The following SCFD2 variants were observed in gnomAD, a reference collection of about 807,000 sequenced individuals.
SCFD2 encodes sec1 family domain containing 2.
SCFD2 carries 54 observed loss-of-function variants against 58.9 expected under a neutral mutation model. The ratio of observed to expected loss-of-function variants is 0.92; its 90% CI spans 0.74 to 1.15. The LOEUF (loss-of-function observed/expected upper bound fraction) is 1.15, where lower values mean the gene tolerates loss of function less well. Among genes scored for constraint, SCFD2 ranks in the 50% most tolerant of loss-of-function variants. The pLI is 0.00. For synonymous variants in SCFD2, 321 were observed against 335.9 expected, an observed-to-expected ratio of 0.96 and a Z score of 0.49; for missense variants, 805 against 836.6, an observed-to-expected ratio of 0.96 and a Z score of 0.47.
chr4:53,254,946 C>T (rs1207771981), intron 4 of SCFD2, among the ~76,000 whole-genome samples: 3 of 150,160 alleles, frequency 2.0e-5, no homozygotes, highest in Non-Finnish European at 4.4e-5. Flanking sequence ...AATCTTGGCT[C>T]ACTGCAAGCT....
chr4:53,021,323 T>C (rs1270427629), intron 5 of SCFD2, among the ~76,000 whole-genome samples: 1 of 152,182 alleles, frequency 6.6e-6, no homozygotes, highest in African/African-American at 2.4e-5. Context: ...AACAATAAAC[T>C]TCCTATTTCT....
intron 5 of SCFD2, among the ~76,000 whole-genome samples, chr4:53,018,260 A>G (rs1426691458): frequency 2.0e-5 from 3 of 152,202 alleles, no homozygotes; most frequent in Admixed American, 2.0e-4. Context: ...TGATATTGTT[A>G]CAGAATAAAC....
intron 4 of SCFD2, among the ~76,000 whole-genome samples, chr4:53,181,964 T>G (rs369582032): frequency 6.6e-6 from 1 of 152,166 alleles, no homozygotes; most frequent in East Asian, 1.9e-4. Context: ...AGGACCTCTT[T>G]AAGGAGAACT....
intron 7 of SCFD2, among the ~76,000 whole-genome samples, chr4:52,896,678 T>A (rs1719023751): frequency 6.6e-6 from 1 of 152,176 alleles, no homozygotes; most frequent in South Asian, 2.1e-4. Flanking sequence ...TTTAAAGTAG[T>A]TTTTTCCAAT....
intron 5 of SCFD2, among the ~76,000 whole-genome samples, chr4:53,132,165 T>C (rs57632491): frequency 0.012 from 1,759 of 152,372 alleles, 44 homozygotes; most frequent in African/African-American, 0.04. Flanking sequence ...TAGGAAGCTC[T>C]AAGTATCTTT....
At chr4:53,277,723 G>T (rs1433640742) in intron 3 of SCFD2, among the ~76,000 whole-genome samples, 4 of 152,160 alleles carry the variant, frequency 2.6e-5, no homozygotes, top group African/African-American at 9.7e-5. Context: ...TGTAATAACC[G>T]TATGTTCATT....
intron 5 of SCFD2, among the ~76,000 whole-genome samples, chr4:53,116,880 C>T (rs1725339371): frequency 6.6e-6 from 1 of 152,156 alleles, no homozygotes; most frequent in Non-Finnish European, 1.5e-5. Flanking sequence ...GCCAACAGGT[C>T]TTAAAGCAAC....
intron 2 of SCFD2, among the ~76,000 whole-genome samples, chr4:53,324,463 G>A (rs1376349058): frequency 6.9e-6 from 1 of 145,378 alleles, no homozygotes; most frequent in Non-Finnish European, 1.5e-5. Flanking sequence ...CATAGGGACA[G>A]AAATGACTGT....
At chr4:53,348,005 A>G in intron 2 of SCFD2, among the ~76,000 whole-genome samples, 1 of 152,244 alleles carries the variant, frequency 6.6e-6, no homozygotes, top group Non-Finnish European at 1.5e-5. Flanking sequence ...GGGGCACAGA[A>G]TAAAAACCCA....
intron 2 of SCFD2, among the ~76,000 whole-genome samples, chr4:53,337,806 G>T (rs1263896863): frequency 1.3e-5 from 2 of 152,068 alleles, no homozygotes; most frequent in South Asian, 4.2e-4. Context: ...TGACACAAGA[G>T]TATACACTAT....
chr4:52,952,315 C>G (rs966572807), intron 5 of SCFD2, among the ~76,000 whole-genome samples: 1 of 149,000 alleles, frequency 6.7e-6, no homozygotes, highest in Non-Finnish European at 1.5e-5. Context: ...CAAATGGTCC[C>G]ACGTGAGGCC....
chr4:53,203,907 G>A (rs757351398), intron 4 of SCFD2, among the ~76,000 whole-genome samples: 4 of 152,052 alleles, frequency 2.6e-5, no homozygotes, highest in Admixed American at 2.0e-4. Context: ...ATCACATTTT[G>A]GTCTAGGAAT....
intron 8 of SCFD2, among the ~76,000 whole-genome samples, chr4:52,878,591 A>C (rs1303818662): frequency 6.6e-6 from 1 of 152,232 alleles, no homozygotes; most frequent in Non-Finnish European, 1.5e-5. Flanking sequence ...ATCACCCTAA[A>C]ATTCTAAAAA....
intron 4 of SCFD2, among the ~76,000 whole-genome samples, chr4:53,250,082 C>A (rs1730299004): frequency 6.6e-6 from 1 of 151,950 alleles, no homozygotes; most frequent in Admixed American, 6.6e-5. Context: ...CACACATAGG[C>A]TCAAAATAAA....
chr4:53,213,798 C>T (rs1443677980), intron 4 of SCFD2, among the ~76,000 whole-genome samples: 4 of 152,072 alleles, frequency 2.6e-5, no homozygotes, highest in Non-Finnish European at 5.9e-5. Context: ...CATTCTATCC[C>T]TCCCTCCTCC....
intron 5 of SCFD2, among the ~76,000 whole-genome samples, chr4:53,045,275 G>A (rs1162562087): frequency 3.3e-5 from 5 of 152,072 alleles, no homozygotes; most frequent in African/African-American, 4.8e-5. Context: ...TTGTTTTATA[G>A]TGTGGATTTT....
chr4:53,318,820 C>T (rs1346710340), intron 2 of SCFD2, among the ~76,000 whole-genome samples: 1 of 152,050 alleles, frequency 6.6e-6, no homozygotes, highest in Admixed American at 6.6e-5. Flanking sequence ...ACCATCACTC[C>T]ATTCTATTTC....
intron 7 of SCFD2, among the ~76,000 whole-genome samples, chr4:52,891,468 T>C (rs2109453055): frequency 6.6e-6 from 1 of 152,258 alleles, no homozygotes; most frequent in East Asian, 1.9e-4. Context: ...AGAAGCCCCA[T>C]TTCACACAGA....
At chr4:53,360,441 C>T (rs779288434) in intron 1 of SCFD2, among the ~76,000 whole-genome samples, 1 of 152,182 alleles carries the variant, frequency 6.6e-6, no homozygotes, top group Non-Finnish European at 1.5e-5. Context: ...ATCATGGACA[C>T]TTCTTGAGTA....
Sources: allele counts gnomAD v4.1 joint callset (sites outside exome capture counted in the v4.1 genomes callset), GRCh38; gene constraint gnomAD v4.1.1; transcripts MANE v1.5; gene names NCBI Gene and HGNC (gene_info 2026-07-23, HGNC 2026-07-21).